OR9G1: variants seen among roughly 807,000 people sequenced by gnomAD.
OR9G1 encodes olfactory receptor family 9 subfamily G member 1, also known as olfactory receptor 9G1.
OR9G1 carries 21 observed loss-of-function variants against 14.5 expected under a neutral mutation model. That is an observed-to-expected ratio of 1.45 (90% CI 1.03 to 2.09). OR9G1 has a LOEUF of 2.09. Among genes scored for constraint, OR9G1 ranks in the 30% most tolerant of loss-of-function variants. OR9G1 has a pLI of 0.00. For synonymous variants in OR9G1, 179 were observed against 153.3 expected, an observed-to-expected ratio of 1.17 and a Z score of -1.24; for missense variants, 476 against 364.2, an observed-to-expected ratio of 1.31 and a Z score of -2.50.
At position 56,701,918 on chromosome 11, in the gene OR9G1, A is replaced by G. The variant is rs1159385161; in HGVS notation, c.*613A>G. On this transcript the variant is annotated 3_prime_UTR_variant, in exon 2 of 2. Coordinates refer to ENST00000642097, the MANE Select transcript of OR9G1 (RefSeq NM_001005213.2). ...ATATATGATTTTTGTAATTCACTGT[A>G]TAACTCCCAGAGCTCCTCTTTATTT... 2 of 152,346 alleles carry G rather than the reference A, an allele frequency of 1.3e-5. No individual in the cohort carries two copies. The highest frequency in any genetic ancestry group is 2.4e-5 in the African/African-American group (1 of 41,488). The allele number at this position is 152,346 out of a possible 1,614,324, so 9.4% of individuals were successfully genotyped here.
rs143783140 is a variant in OR9G1 at position 56,700,477 on chromosome 11, C to T, written c.90C>T (p.Phe30=). ...PGMQLGLFVV[F]LGVYSLTVVG... ...TGCAGCTGGGCCTCTTCGTGGTGTT[C>T]CTGGGCGTGTACTCTCTCACTGTGG... Residue 30 remains phenylalanine, a synonymous_variant, in exon 2 of 2, where the codon TTC becomes TTT. Transcript: ENST00000642097. The T allele has an allele frequency of 3.7e-4, 599 of 1,613,876 alleles. No individual in the cohort carries two copies. In the African/African-American group the frequency reaches 6.8e-3, roughly 18 times the overall value.
At chr11:56,699,580 T>C (rs1360209407) in intron 1 of OR9G1, among the ~76,000 whole-genome samples, 1 of 152,310 alleles carries the variant, frequency 6.6e-6, no homozygotes, top group African/African-American at 2.4e-5. Context: ...GTCTTTACAG[T>C]GTAAGACAGA....
In OR9G1 at chr11:56,699,142, T is replaced by A. The variant is rs1857562623; in HGVS notation, c.-67T>A. The A allele has an allele frequency of 6.5e-6, 1 of 152,730 alleles. No homozygotes were observed. The highest frequency in any genetic ancestry group is 1.5e-5 in the Non-Finnish European group (1 of 68,342). 9.5% of individuals were successfully genotyped at this position (152,730 alleles called of 1,614,324 possible). A position where few individuals can be genotyped will look rare whatever the true frequency, so the allele number is the denominator to read the frequency against. On this transcript the variant is annotated 5_prime_UTR_variant, in exon 1 of 2. Transcript: ENST00000642097. ...CACTCCAAAGTTCAAAAGTCTGTTC[T>A]GTAGCACTGAGACACATGCAGCAAG...
At position 56,701,279 on chromosome 11, in the gene OR9G1, G is replaced by A. The variant is rs1388827416; in HGVS notation, c.892G>A (p.Glu298Lys). ...IYSLRNKDVK[E>K]ALKKLLP ...CAGCCTAAGGAATAAGGATGTGAAA[G>A]AGGCTCTGAAAAAACTTCTCCCATA... Residue 298 changes from glutamate (E) to lysine (K), a missense_variant, in exon 2 of 2, where the codon GAG (glutamate) becomes AAG (lysine). Physicochemically the swap from Glu to Lys is moderately conservative, Grantham distance 56. Transcript: ENST00000642097. The A allele has an allele frequency of 6.2e-7, 1 of 1,608,200 alleles. No homozygotes were observed. Among genetic ancestry groups the A allele is most frequent in the Non-Finnish European group, 8.5e-7 (1 of 1,178,446 alleles).
chr11:56,700,303 C>A, intron 1 of OR9G1, 67 bp from the exon 2 acceptor site: 1 of 1,553,706 alleles, frequency 6.4e-7, no homozygotes, highest in Admixed American at 1.9e-5. Context: ...CAAATGTGAT[C>A]TTATGTAACA....
chr11:56,700,413 C>CT lies in OR9G1; in HGVS notation c.27dup (p.Glu10Ter). 6.2e-7 allele frequency: 1 copy of CT among 1,614,292 alleles called. No homozygotes were observed. The highest frequency in any genetic ancestry group is 8.5e-7 in the Non-Finnish European group (1 of 1,180,054). ...ATGCAGAGGAGCAATCATACAGTGA[C>CT]TGAGTTTATACTGCTGGGCTTCACC... On this transcript the variant is annotated frameshift_variant, in exon 2 of 2. Coordinates refer to ENST00000642097, the MANE Select transcript of OR9G1 (RefSeq NM_001005213.2). LOFTEE classifies it high-confidence loss of function.
At position 56,703,650 on chromosome 11, in the gene OR9G1, A is replaced by T. The variant is rs1857682501; in HGVS notation, c.*2345A>T. On this transcript the variant is annotated 3_prime_UTR_variant, in exon 2 of 2. Transcript: ENST00000642097. ...AAAGTAAAACTGATGTGACACATCT[A>T]ATCTTAAAACACCGTGGTATCATAA... 1 of 152,316 alleles carries T rather than the reference A, an allele frequency of 6.6e-6. No homozygotes were observed. The highest frequency in any genetic ancestry group is 2.1e-4 in the South Asian group (1 of 4,838). The allele number at this position is 152,316 out of a possible 1,614,324, so 9.4% of individuals were successfully genotyped here. A position where few individuals can be genotyped will look rare whatever the true frequency, so the allele number is the denominator to read the frequency against.
chr11:56,700,351 T>C lies in OR9G1; in HGVS notation c.-18-19T>C, dbSNP rs1179648356. ...TTCATGACAGTAATGCAAACTGAGCTCATTTTCTTTCCCCATAGGTGAGAT... is the reference window on the plus strand; with the variant it reads ...TTCATGACAGTAATGCAAACTGAGCCCATTTTCTTTCCCCATAGGTGAGAT... On this transcript the variant is annotated intron_variant, in intron 1 of 1. Coordinates refer to ENST00000642097, the MANE Select transcript of OR9G1 (RefSeq NM_001005213.2). 1.2e-6 allele frequency: 2 copies of C among 1,609,798 alleles called. No individual in the cohort carries two copies. Among genetic ancestry groups the C allele is most frequent in the Admixed American group, 1.7e-5 (1 of 59,734 alleles).
At position 56,703,310 on chromosome 11, in the gene OR9G1, A is replaced by G. The variant is rs189814618; in HGVS notation, c.*2005A>G. ...TGGACATTACAAAGTAAGTGGGTGC[A>G]AGAAATAAAATCAATGCAAGTTGCA... On this transcript the variant is annotated 3_prime_UTR_variant, in exon 2 of 2. Coordinates refer to ENST00000642097, the MANE Select transcript of OR9G1 (RefSeq NM_001005213.2). 32 of 137,036 alleles carry G rather than the reference A, an allele frequency of 2.3e-4. No individual in the cohort carries two copies. Among genetic ancestry groups the G allele is most frequent in the African/African-American group, 7.9e-4 (29 of 36,888 alleles). The allele number at this position is 137,036 out of a possible 1,614,324, so 8.5% of individuals were successfully genotyped here.
chr11:56,700,560 T>C lies in OR9G1; in HGVS notation c.173T>C (p.Met58Thr), dbSNP rs375423797. ...ICNDSCLHTPMYFFTGNLSFL... is the reference protein window; with the variant it reads ...ICNDSCLHTPTYFFTGNLSFL... The stretch of plus-strand genomic sequence containing the variant: ...AATGACTCCTGCCTCCACACACCCA[T>C]GTATTTTTTCACTGGAAATCTGTCG... Residue 58 changes from methionine to threonine, a missense_variant, in exon 2 of 2, where the codon ATG becomes ACG. This residue lies in a region of OR9G1 where 89 missense variants were observed against 85.1 expected (regional missense o/e 1.05). Transcript: ENST00000642097. The C allele has an allele frequency of 2.2e-5, 36 of 1,614,176 alleles. No homozygotes were observed. The highest frequency in any genetic ancestry group is 1.6e-4 in the Middle Eastern group (1 of 6,084).
In OR9G1 at chr11:56,700,502, G is replaced by A. The variant is rs771565916; in HGVS notation, c.115G>A (p.Val39Ile). 2.5e-6 allele frequency: 4 copies of A among 1,614,320 alleles called. No individual in the cohort carries two copies. In the South Asian group the frequency reaches 4.4e-5, roughly 18 times the overall value. ...VFLGVYSLTV[V>I]GNSTLIVLIC... ...CCTGGGCGTGTACTCTCTCACTGTG[G>A]TAGGAAATAGCACCCTCATCGTGTT... The change falls in exon 2 of 2, where the codon GTA becomes ATA. Residue 39 changes from valine to isoleucine, a missense_variant. Coordinates refer to ENST00000642097, the MANE Select transcript of OR9G1 (RefSeq NM_001005213.2).
rs984982023 is a variant in OR9G1 at position 56,702,501 on chromosome 11, A to G, written c.*1196A>G. 2 of 152,246 alleles carry G rather than the reference A, an allele frequency of 1.3e-5. No homozygotes were observed. The highest frequency in any genetic ancestry group is 1.9e-4 in the East Asian group (1 of 5,204). 9.4% of individuals were successfully genotyped at this position (152,246 alleles called of 1,614,324 possible). ...TTTTTCAAAATGGCTGTGCTAATGT[A>G]CATTCCCATCAATGGAGTATAAGAG... is the stretch of plus-strand genomic sequence containing the variant. On this transcript the variant is annotated 3_prime_UTR_variant, in exon 2 of 2. Transcript: ENST00000642097.
rs147637248 is a variant in OR9G1 at position 56,702,597 on chromosome 11, A to G, written c.*1292A>G. 19 of 101,834 alleles carry G rather than the reference A, an allele frequency of 1.9e-4. No homozygotes were observed. The highest frequency in any genetic ancestry group is 6.8e-4 in the African/African-American group (19 of 27,908). The allele number at this position is 101,834 out of a possible 1,614,324, so 6.3% of individuals were successfully genotyped here. A position where few individuals can be genotyped will look rare whatever the true frequency, so the allele number is the denominator to read the frequency against. ...TTTTGATAATGACCATTGTAATATA[A>G]TGCATAATGTATAATATACGAAGTG... On this transcript the variant is annotated 3_prime_UTR_variant, in exon 2 of 2. Transcript: ENST00000642097.
Position 56,701,237 on chromosome 11 carries a change from T to C in OR9G1, c.850T>C (p.Leu284=). 6.2e-7 allele frequency: 1 copy of C among 1,614,282 alleles called. No homozygotes were observed. Among genetic ancestry groups the C allele is most frequent in the Non-Finnish European group, 8.5e-7 (1 of 1,180,050 alleles). ...ATTTTACACTGTGGTATTCCCCATG[T>C]TGAATCTCATGATCTACAGCCTAAG... ...STFYTVVFPM[L]NLMIYSLRNK... Residue 284 remains leucine, a synonymous_variant, in exon 2 of 2, where the codon TTG becomes CTG. Coordinates refer to ENST00000642097, the MANE Select transcript of OR9G1 (RefSeq NM_001005213.2).
At chr11:56,700,253 A>G (rs1378663700) in intron 1 of OR9G1, 117 bp from the exon 2 acceptor site, 9 of 1,425,340 alleles carry the variant, frequency 6.3e-6, no homozygotes, top group Middle Eastern at 2.5e-4. Flanking sequence ...TTTCTAAAAC[A>G]AACAATTAGA....
chr11:56,700,598 T>A lies in OR9G1; in HGVS notation c.211T>A (p.Trp71Arg). The A allele has an allele frequency of 6.2e-7, 1 of 1,614,310 alleles. No homozygotes were observed. Among genetic ancestry groups the A allele is most frequent in the South Asian group, 1.1e-5 (1 of 91,092 alleles). ...TGGAAATCTGTCGTTTCTGGATCTC[T>A]GGTATTCTTCTGTCTACACCCCAAA... The part of the protein sequence containing the change: ...FTGNLSFLDL[W>R]YSSVYTPKIL... Residue 71 changes from tryptophan (W) to arginine (R), a missense_variant, in exon 2 of 2, where the codon TGG becomes AGG. Trp to Arg is a moderately radical substitution (Grantham distance 101). Coordinates refer to ENST00000642097, the MANE Select transcript of OR9G1 (RefSeq NM_001005213.2).
chr11:56,700,880 T>A lies in OR9G1; in HGVS notation c.493T>A (p.Phe165Ile). 2 of 1,614,262 alleles carry A rather than the reference T, an allele frequency of 1.2e-6. No individual in the cohort carries two copies. Among genetic ancestry groups the A allele is most frequent in the Non-Finnish European group, 1.7e-6 (2 of 1,180,012 alleles). Residue 165 changes from phenylalanine (F) to isoleucine (I), a missense_variant, in exon 2 of 2, where the codon TTT becomes ATT. By Grantham distance (21) the Phe-to-Ile change is conservative. Around this residue, in one of 3 missense-constraint regions of OR9G1, gnomAD observed 352 missense variants for 211.6 expected, o/e 1.66. Coordinates refer to ENST00000642097, the MANE Select transcript of OR9G1 (RefSeq NM_001005213.2). ...AATCATCACCAAGAAAACGTTTTCCTTTAACTTCTGCCGTGAAAACATCAT... is the reference window on the plus strand; with the variant it reads ...AATCATCACCAAGAAAACGTTTTCCATTAACTTCTGCCGTGAAAACATCAT... ...SSIITKKTFSFNFCRENIIDD... is the reference protein window; with the variant it reads ...SSIITKKTFSINFCRENIIDD...
chr11:56,700,292 G>C, intron 1 of OR9G1, 78 bp from the exon 2 acceptor site: 1 of 1,534,888 alleles, frequency 6.5e-7, no homozygotes, highest in Non-Finnish European at 8.8e-7. Context: ...ACGAAACACT[G>C]CAAATGTGAT....
In OR9G1 at chr11:56,703,092, C is replaced by T. The variant is rs1857670775; in HGVS notation, c.*1787C>T. On this transcript the variant is annotated 3_prime_UTR_variant, in exon 2 of 2. Transcript: ENST00000642097. ...ACAAAAAGATGAATATGACAAGTGG[C>T]ATTTAATTTTCATTAGTTTTTCAAT... is the stretch of plus-strand genomic sequence containing the variant. The T allele has an allele frequency of 6.6e-6, 1 of 152,278 alleles. No individual in the cohort carries two copies. Among genetic ancestry groups the T allele is most frequent in the Admixed American group, 6.5e-5 (1 of 15,290 alleles). The allele number at this position is 152,278 out of a possible 1,614,324, so 9.4% of individuals were successfully genotyped here.
Sources: allele counts gnomAD v4.1 joint callset (sites outside exome capture counted in the v4.1 genomes callset), GRCh38; gene constraint gnomAD v4.1.1; regional missense constraint gnomAD v4.1.1; transcripts MANE v1.5; gene names NCBI Gene and HGNC (gene_info 2026-07-23, HGNC 2026-07-21).